Variants in ANKRD11 observed in about 807,000 individuals in gnomAD.
The protein encoded by ANKRD11 is ankyrin repeat domain 11.
ANKRD11 carries 17 observed loss-of-function variants against 195.7 expected under a neutral mutation model. The observed-to-expected ratio is 0.09, with a 90% CI of 0.06 to 0.13. The LOEUF is 0.13. ANKRD11 is among the 10% of genes least tolerant of loss of function. The pLI is 1.00. For synonymous variants in ANKRD11, 1,953 were observed against 1,528.1 expected, an observed-to-expected ratio of 1.28 and a Z score of -6.49; for missense variants, 3,735 against 3,566.1, an observed-to-expected ratio of 1.05 and a Z score of -1.21.
intron 2 of ANKRD11, among the ~76,000 whole-genome samples, chr16:89,365,174 A>G (rs1432553144): frequency 2.0e-5 from 3 of 152,182 alleles, no homozygotes; most frequent in African/African-American, 7.2e-5. Flanking sequence ...TCTTTCAACA[A>G]TCCTGTCCAG....
At chr16:89,463,144 T>C (rs1383875132) in intron 1 of ANKRD11, among the ~76,000 whole-genome samples, 1 of 151,338 alleles carries the variant, frequency 6.6e-6, no homozygotes, top group Non-Finnish European at 1.5e-5. Context: ...GGAGCCCCTC[T>C]GCCCGGCCAC....
At chr16:89,426,529 T>TCACACACACACACACACACACACACACA in intron 1 of ANKRD11, among the ~76,000 whole-genome samples, 1 of 142,356 alleles carries the variant, frequency 7.0e-6, no homozygotes, top group East Asian at 2.1e-4. Context: ...CACTTAAACA[T>TCACACACACACACACACACACACACACA]CACACACACA....
intron 2 of ANKRD11, among the ~76,000 whole-genome samples, chr16:89,341,969 C>G (rs1190618847): frequency 6.7e-6 from 1 of 149,916 alleles, no homozygotes; most frequent in African/African-American, 2.5e-5. Flanking sequence ...CGGCCCATGG[C>G]AGGAGTGCTG....
At chr16:89,313,179 G>T in intron 3 of ANKRD11, 1 of 899,708 alleles carries the variant, frequency 1.1e-6, no homozygotes, top group Non-Finnish European at 1.5e-6. Context: ...ACCAAGTGAA[G>T]CTCAGGGGGC....
chr16:89,428,326 C>T (rs1019023152), intron 1 of ANKRD11, among the ~76,000 whole-genome samples: 4 of 152,046 alleles, frequency 2.6e-5, no homozygotes, highest in East Asian at 1.9e-4. Flanking sequence ...GAGATCGAGA[C>T]CATCCTGGCC....
At chr16:89,366,102 C>T (rs2039936516) in intron 2 of ANKRD11, among the ~76,000 whole-genome samples, 1 of 145,306 alleles carries the variant, frequency 6.9e-6, no homozygotes. Flanking sequence ...TGCACTCTAG[C>T]CTGGGTGACA....
intron 3 of ANKRD11, chr16:89,313,462 CT>C (rs2036736020): frequency 3.9e-6 from 5 of 1,289,112 alleles, no homozygotes; most frequent in Non-Finnish European, 5.1e-6. Flanking sequence ...ACTGTGCTCA[CT>C]GGTGCAGCCA....
At chr16:89,365,826 C>A (rs1038327347) in intron 2 of ANKRD11, among the ~76,000 whole-genome samples, 16 of 152,206 alleles carry the variant, frequency 1.1e-4, no homozygotes, top group African/African-American at 3.9e-4. Context: ...AAGCCCAGTA[C>A]CCAACAGTTA....
chr16:89,456,994 C>G (rs1473676069), intron 1 of ANKRD11, among the ~76,000 whole-genome samples: 1 of 142,820 alleles, frequency 7.0e-6, no homozygotes, highest in South Asian at 2.2e-4. Flanking sequence ...GAGTCTCGCT[C>G]TGTCGCCCAG....
Position 89,451,446 on chromosome 16 carries a change from C to G in ANKRD11, c.-144-33078G>C, listed in dbSNP as rs542722984. Among the ~76,000 whole-genome samples, 92 of 140,538 alleles carry G rather than the reference C, an allele frequency of 6.5e-4. 2 individuals are homozygous for G. The highest frequency in any genetic ancestry group is 3.0e-3 in the South Asian group (13 of 4,288). The allele number at this position is 140,538 out of a possible 152,430, so 92.2% of individuals were successfully genotyped here. A position where few individuals can be genotyped will look rare whatever the true frequency, so the allele number is the denominator to read the frequency against. ...TTTTTTTTTGAGACGAAGCCTCACT[C>G]TGAGGCCCAGGCAGGAGTGCAGTTG... On this transcript the variant is annotated intron_variant, in intron 1 of 12. Transcript: ENST00000301030.
At chr16:89,474,389 G>A (rs987598565) in intron 1 of ANKRD11, among the ~76,000 whole-genome samples, 2 of 151,834 alleles carry the variant, frequency 1.3e-5, no homozygotes, top group Non-Finnish European at 2.9e-5. Flanking sequence ...GGCCAAGGTG[G>A]AAGGAATGAC....
rs375377829 is a variant in ANKRD11 at position 89,341,565 on chromosome 16, TA to T, written c.-59-24488del. On this transcript the variant is annotated intron_variant, in intron 2 of 12. Transcript: ENST00000301030. Reference sequence around the variant, plus strand: ...AAGCTGTAAATAGAGGATAATGGCATAAAAAAAATTCCAGATTAAAGGACCA... The same window carrying T: ...AAGCTGTAAATAGAGGATAATGGCATAAAAAAATTCCAGATTAAAGGACCA... Among the ~76,000 whole-genome samples the T allele has an allele frequency of 2.9e-3, 434 of 151,982 alleles. 5 individuals are homozygous for T. Among genetic ancestry groups the T allele is most frequent in the African/African-American group, 0.01 (416 of 41,428 alleles).
chr16:89,292,725 A>G (rs2035143611), intron 4 of ANKRD11, among the ~76,000 whole-genome samples: 1 of 152,246 alleles, frequency 6.6e-6, no homozygotes, highest in Non-Finnish European at 1.5e-5. Context: ...AGCCCCTCAT[A>G]GAACCTGGCA....
intron 1 of ANKRD11, among the ~76,000 whole-genome samples, chr16:89,464,411 A>T (rs1434916771): frequency 6.6e-6 from 1 of 152,128 alleles, no homozygotes; most frequent in Non-Finnish European, 1.5e-5. Context: ...GTTCAAGACC[A>T]GCCAGGCCAA....
intron 2 of ANKRD11, chr16:89,323,860 T>A (rs970898678): frequency 2.3e-5 from 5 of 215,260 alleles, no homozygotes; most frequent in Non-Finnish European, 4.7e-5. Flanking sequence ...AACATGGGTG[T>A]CCTCCGTCTC....
At chr16:89,406,333 G>A (rs1048275438) in intron 2 of ANKRD11, among the ~76,000 whole-genome samples, 11 of 152,202 alleles carry the variant, frequency 7.2e-5, no homozygotes, top group South Asian at 2.1e-4. Context: ...GCCAGGTCAC[G>A]GCGGGCACGG....
At chr16:89,416,881 G>C (rs536096887) in intron 2 of ANKRD11, among the ~76,000 whole-genome samples, 1 of 152,154 alleles carries the variant, frequency 6.6e-6, no homozygotes, top group Non-Finnish European at 1.5e-5. Flanking sequence ...CTGGGGTGTG[G>C]GGTGCTCCCT....
chr16:89,280,376 A>G lies in ANKRD11; in HGVS notation c.6166T>C (p.Tyr2056His), dbSNP rs1177600862. 3.2e-6 allele frequency: 5 copies of G among 1,563,546 alleles called. No homozygotes were observed. Among genetic ancestry groups the G allele is most frequent in the African/African-American group, 1.4e-5 (1 of 73,654 alleles). ...AAISTSEAAP[Y>H]APPSGLESFF... ...GACTCCAGCCCGGAGGGAGGGGCGT[A>G]GGGAGCCGCCTCTGAGGTGGAGATG... The change falls in exon 9 of 13, where the codon TAC becomes CAC. Residue 2056 changes from tyrosine (Y) to histidine (H), a missense_variant. Transcript: ENST00000301030.
At chr16:89,432,276 C>T (rs990784417) in intron 1 of ANKRD11, among the ~76,000 whole-genome samples, 2 of 149,228 alleles carry the variant, frequency 1.3e-5, no homozygotes, top group African/African-American at 5.0e-5. Context: ...CACACACACA[C>T]ACCCCTGGAA....
Sources: gnomAD v4.1 joint callset for allele counts (sites outside exome capture counted in the v4.1 genomes callset) on GRCh38, gnomAD v4.1.1 for gene constraint, MANE v1.5 for transcripts, NCBI Gene and HGNC (gene_info 2026-07-23, HGNC 2026-07-21) for gene names.